Variants in DMD observed in about 807,000 individuals in gnomAD.
DMD encodes the protein dystrophin.
Under a neutral mutation model 330.1 loss-of-function variants are expected in DMD, and 63 were observed. The ratio of observed to expected loss-of-function variants is 0.19; its 90% confidence interval spans 0.16 to 0.24. The LOEUF (loss-of-function observed/expected upper bound fraction) is 0.24, where lower values mean the gene tolerates loss of function less well. Ranked by LOEUF, DMD falls within the 10% of genes least tolerant of loss-of-function variation. DMD has a pLI of 1.00. For missense variants in DMD, 3,344 were observed against 2,684.1 expected (o/e 1.25, Z -5.43); for synonymous variants, 1,223 against 959.8 (o/e 1.27, Z -5.07).
chrX:31,365,756 G>C (rs754313221), intron 60 of DMD, among the ~76,000 whole-genome samples: 2 of 112,657 alleles, frequency 1.8e-5, no homozygotes, highest in Non-Finnish European at 3.7e-5. Context: ...ATAATTGTCT[G>C]CTATGACACC....
chrX:32,968,605 C>A (rs1446228663), intron 2 of DMD, among the ~76,000 whole-genome samples: 2 of 111,427 alleles, frequency 1.8e-5, no homozygotes, highest in African/African-American at 6.5e-5. Context: ...ATGTTTGTGT[C>A]CACCCAAAAT....
chrX:31,738,110 T>C (rs767389160), intron 51 of DMD, among the ~76,000 whole-genome samples: 13 of 112,077 alleles, frequency 1.2e-4, no homozygotes, highest in Non-Finnish European at 2.4e-4. Context: ...TGTGCCTCCA[T>C]AGATTTTGTT....
rs768511179 is a variant in DMD at position 32,823,394 on chromosome X, A to T, written c.265-7T>A. On this transcript the variant is annotated splice_region_variant and splice_polypyrimidine_tract_variant and intron_variant, in intron 4 of 78. Transcript: ENST00000357033. ...CAATATTCACTAAATCAACCTGTTAAAGAAAGGGGTAAAACATTTGAAGGT... is the reference window on the plus strand; with the variant it reads ...CAATATTCACTAAATCAACCTGTTATAGAAAGGGGTAAAACATTTGAAGGT... 3 of 1,151,713 alleles carry T rather than the reference A, an allele frequency of 2.6e-6. No individual in the cohort carries two copies. The Admixed American group carries it at 6.5e-5, about 25-fold the overall frequency. 94.9% of individuals were successfully genotyped at this position (1,151,713 alleles called of 1,213,427 possible). A position where few individuals can be genotyped will look rare whatever the true frequency, so the allele number is the denominator to read the frequency against.
At chrX:31,674,323 A>C (rs1262061009) in intron 53 of DMD, among the ~76,000 whole-genome samples, 2 of 112,486 alleles carry the variant, frequency 1.8e-5, no homozygotes, top group African/African-American at 6.5e-5. Flanking sequence ...TAGTTACTAC[A>C]TACAATAAGT....
At chrX:32,853,769 G>GAAAAAAAAAAAAAAAAAAAAAAAAA (rs1162458210) in intron 2 of DMD, among the ~76,000 whole-genome samples, 4 of 56,090 alleles carry the variant, frequency 7.1e-5, no homozygotes, top group African/African-American at 2.3e-4. Flanking sequence ...CACAGTGACA[G>GAAAAAAAAAAAAAAAAAAAAAAAAA]AAAAAAAAAA....
At chrX:31,209,849 T>C (rs1321345169) in intron 64 of DMD, 150 bp from the exon 65 acceptor site, 1 of 558,746 alleles carries the variant, frequency 1.8e-6, no homozygotes, top group African/African-American at 2.3e-5. Flanking sequence ...GGTGTTTTAT[T>C]TTTATGCCTC....
chrX:33,254,484 C>T lies in DMD; in HGVS notation c.7+84775G>A, dbSNP rs750911712. On this transcript the variant is annotated intron_variant, in intron 1 of 17. Transcript: ENST00000288447. ...GAATGTGTCTTAGAAAAAAAATTTT[C>T]ACTTGCGACCTTAGGCTTTTCCCCC... Among the ~76,000 whole-genome samples, 103 of 110,331 alleles carry T rather than the reference C, an allele frequency of 9.3e-4. 1 individual carries two copies. The highest frequency in any genetic ancestry group is 3.2e-3 in the African/African-American group (98 of 30,606).
intron 2 of DMD, among the ~76,000 whole-genome samples, chrX:32,923,669 T>TA (rs976252433): frequency 8.9e-6 from 1 of 112,006 alleles, no homozygotes; most frequent in Non-Finnish European, 1.9e-5. Flanking sequence ...AGTGATTACA[T>TA]AAAAAAATGA....
intron 44 of DMD, among the ~76,000 whole-genome samples, chrX:32,048,987 G>A (rs767991884): frequency 5.4e-5 from 6 of 111,447 alleles, no homozygotes; most frequent in Non-Finnish European, 9.4e-5. Flanking sequence ...CGAATGGAGG[G>A]AAGAAACAGT....
At chrX:32,827,530 C>G (rs754803461) in intron 4 of DMD, among the ~76,000 whole-genome samples, 1 of 111,193 alleles carries the variant, frequency 9.0e-6, no homozygotes, top group South Asian at 3.8e-4. Flanking sequence ...TTTCATCGCC[C>G]AGGTAATAAG....
At chrX:31,763,125 G>A (rs776901904) in intron 51 of DMD, among the ~76,000 whole-genome samples, 1 of 112,397 alleles carries the variant, frequency 8.9e-6, no homozygotes, top group South Asian at 3.6e-4. Flanking sequence ...AATTTATTTC[G>A]AGGACCAGAA....
Position 32,573,946 on chromosome X carries a change from TGTACGCTAG to T in DMD, c.1603-109_1603-101del, listed in dbSNP as rs2052728067. 9.3e-6 allele frequency: 6 copies of T among 644,966 alleles called. No homozygotes were observed. In the Admixed American group the frequency reaches 1.6e-4, roughly 17 times the overall value. The allele number at this position is 644,966 out of a possible 1,213,427, so 53.2% of individuals were successfully genotyped here. ...TTTGCCAAAGTATCTCAGTCTCCTA[TGTACGCTAG>T]AAGTTGGAAGGGACACTCTTTCTGA... On this transcript the variant is annotated intron_variant, in intron 13 of 78. Coordinates refer to ENST00000357033, the MANE Select transcript of DMD (RefSeq NM_004006.3).
At chrX:33,013,897 G>A (rs771103586) in intron 2 of DMD, among the ~76,000 whole-genome samples, 70 of 107,377 alleles carry the variant, frequency 6.5e-4, no homozygotes, top group Middle Eastern at 4.6e-3. Context: ...CATACAGAGT[G>A]TAATAGGATA....
At chrX:31,331,975 T>C (rs1327496441) in intron 61 of DMD, among the ~76,000 whole-genome samples, 6 of 110,237 alleles carry the variant, frequency 5.4e-5, no homozygotes, top group Non-Finnish European at 1.1e-4. Context: ...GCAAAAAGAG[T>C]ATAGGAGAGA....
intron 50 of DMD, among the ~76,000 whole-genome samples, chrX:31,808,015 G>A (rs979818715): frequency 2.7e-5 from 3 of 111,918 alleles, no homozygotes; most frequent in African/African-American, 6.5e-5. Context: ...TAAGGCTGCT[G>A]TAAGATTAAA....
At chrX:32,981,229 C>A (rs1241674164) in intron 2 of DMD, among the ~76,000 whole-genome samples, 2 of 111,822 alleles carry the variant, frequency 1.8e-5, no homozygotes, top group Non-Finnish European at 3.8e-5. Flanking sequence ...CTTATTCAAA[C>A]TTCTTGCTAA....
intron 1 of DMD, among the ~76,000 whole-genome samples, chrX:33,020,611 T>C (rs924509168): frequency 3.6e-5 from 4 of 111,038 alleles, no homozygotes; most frequent in African/African-American, 1.3e-4. Context: ...GAGGTGGAGG[T>C]TGCAGTGAGC....
intron 43 of DMD, among the ~76,000 whole-genome samples, chrX:32,228,051 C>T (rs978360852): frequency 9.0e-6 from 1 of 111,122 alleles, no homozygotes; most frequent in Non-Finnish European, 1.9e-5. Flanking sequence ...TTTTAGGGGG[C>T]TAAGGGGACC....
chrX:31,489,285 C>G (rs2069064115), intron 57 of DMD, among the ~76,000 whole-genome samples: 1 of 111,792 alleles, frequency 8.9e-6, no homozygotes, highest in Admixed American at 9.5e-5. Context: ...GGACTACAGG[C>G]ACGTGTCACC....
Sources: gnomAD v4.1 joint callset for allele counts (sites outside exome capture counted in the v4.1 genomes callset) on GRCh38, gnomAD v4.1.1 for gene constraint, MANE v1.5 for transcripts, NCBI Gene and HGNC (gene_info 2026-07-23, HGNC 2026-07-21) for gene names.